WDR33: variants seen among roughly 807,000 people sequenced by gnomAD.
WDR33 encodes pre-mRNA 3' end processing protein WDR33.
A neutral mutation model predicts 164.9 loss-of-function variants in WDR33; 47 were observed. The ratio of observed to expected loss-of-function variants is 0.29; its 90% confidence interval spans 0.23 to 0.36. The LOEUF (loss-of-function observed/expected upper bound fraction) is 0.36. Ranked by LOEUF, WDR33 falls within the 10% of genes least tolerant of loss-of-function variation. The pLI, the probability that WDR33 is intolerant of heterozygous loss-of-function variation, is 1.00. For synonymous variants in WDR33, 505 were observed against 589.0 expected, an observed-to-expected ratio of 0.86 and a Z score of 2.06; for missense variants, 1,137 against 1,754.1, an observed-to-expected ratio of 0.65 and a Z score of 6.28.
At position 127,701,784 on chromosome 2, in the gene WDR33, C is replaced by A; in HGVS notation, c.*4539G>T. 7.0e-7 allele frequency: 1 copy of A among 1,437,416 alleles called. No individual in the cohort carries two copies. Among genetic ancestry groups the A allele is most frequent in the Non-Finnish European group, 9.1e-7 (1 of 1,096,298 alleles). The allele number at this position is 1,437,416 out of a possible 1,614,324, so 89.0% of individuals were successfully genotyped here. A position where few individuals can be genotyped will look rare whatever the true frequency, so the allele number is the denominator to read the frequency against. ...GGCGGCGGGCGGCGGGTGCCTGCTG[C>A]TGGCTGCACTGTGTTTCGGCCTAGC... On this transcript the variant is annotated 3_prime_UTR_variant, in exon 22 of 22. Transcript: ENST00000322313.
intron 1 of WDR33, among the ~76,000 whole-genome samples, chr2:127,797,321 G>A (rs775288032): frequency 2.0e-5 from 3 of 151,900 alleles, no homozygotes; most frequent in Admixed American, 1.3e-4. Flanking sequence ...GTGAAACCCC[G>A]TCTCTACTAA....
At chr2:127,773,102 C>G (rs1688063964) in intron 1 of WDR33, among the ~76,000 whole-genome samples, 1 of 152,118 alleles carries the variant, frequency 6.6e-6, no homozygotes, top group African/African-American at 2.4e-5. Context: ...CACCACTGCA[C>G]TCCAACCTGG....
At chr2:127,753,383 C>G (rs531941524) in intron 7 of WDR33, among the ~76,000 whole-genome samples, 140 of 152,328 alleles carry the variant, frequency 9.2e-4, no homozygotes, top group African/African-American at 3.3e-3. Flanking sequence ...ACTGTCATAA[C>G]AGTGGCTGAA....
rs972120791 is a variant in WDR33 at position 127,701,796 on chromosome 2, T to C, written c.*4527A>G. The C allele has an allele frequency of 2.8e-6, 4 of 1,452,762 alleles. No individual in the cohort carries two copies. In the African/African-American group the frequency reaches 4.4e-5, roughly 16 times the overall value. The allele number at this position is 1,452,762 out of a possible 1,614,324, so 90.0% of individuals were successfully genotyped here. On this transcript the variant is annotated 3_prime_UTR_variant, in exon 22 of 22. Coordinates refer to ENST00000322313, the MANE Select transcript of WDR33 (RefSeq NM_018383.5). ...CGGGTGCCTGCTGCTGGCTGCACTG[T>C]GTTTCGGCCTAGCCGCGCTCTACGC...
intron 7 of WDR33, among the ~76,000 whole-genome samples, chr2:127,750,459 C>A (rs142880108): frequency 6.6e-6 from 1 of 150,808 alleles, no homozygotes; most frequent in Non-Finnish European, 1.5e-5. Context: ...CCAGCCTGGG[C>A]AACATGGTGA....
intron 7 of WDR33, among the ~76,000 whole-genome samples, chr2:127,755,841 T>C (rs1687502580): frequency 6.6e-6 from 1 of 152,030 alleles, no homozygotes; most frequent in African/African-American, 2.4e-5. Context: ...TGACAAGGAG[T>C]TCCTAAAACC....
intron 18 of WDR33, among the ~76,000 whole-genome samples, chr2:127,711,790 T>TTTTTTTTTTTTTTA (rs70985474): frequency 9.1e-6 from 1 of 109,614 alleles, no homozygotes; most frequent in African/African-American, 4.2e-5. Flanking sequence ...ATTTTTTTTT[T>TTTTTTTTTTTTTTA]GAGACAGAGT....
chr2:127,750,897 T>G (rs1345582223), intron 7 of WDR33, among the ~76,000 whole-genome samples: 1 of 151,130 alleles, frequency 6.6e-6, no homozygotes, highest in Non-Finnish European at 1.5e-5. Context: ...TTTACAGTAA[T>G]TGATTTAATG....
intron 1 of WDR33, among the ~76,000 whole-genome samples, chr2:127,798,367 C>CAAAAAAA (rs61568967): frequency 1.0e-4 from 2 of 19,282 alleles, no homozygotes; most frequent in African/African-American, 4.1e-4. Flanking sequence ...GACACCGTCG[C>CAAAAAAA]AAAAAAAAAA....
Position 127,708,980 on chromosome 2 carries a change from G to T in WDR33, c.3566-88C>A, listed in dbSNP as rs1196128883. On this transcript the variant is annotated intron_variant, in intron 20 of 21. Transcript: ENST00000322313. The surrounding 1 kb of genome is among the most constrained non-coding windows in gnomAD (Gnocchi z 6.7). ...ACACTGTGAGAGTAAGGAGCAACTC[G>T]AGAGCCACCGTTCACTCATGCTGAA... is the stretch of plus-strand genomic sequence containing the variant. The T allele has an allele frequency of 1.2e-5, 16 of 1,346,466 alleles. No homozygotes were observed. Among genetic ancestry groups the T allele is most frequent in the Non-Finnish European group, 1.5e-5 (15 of 1,020,984 alleles). The allele number at this position is 1,346,466 out of a possible 1,614,324, so 83.4% of individuals were successfully genotyped here.
In WDR33 at chr2:127,735,921, A is replaced by T. The variant is rs536141521; in HGVS notation, c.725-9144T>A. ...GTCTAGAAAGTTACATCAGTGAAAA[A>T]CTATAGAATTAAATGGAAAGTTAAT... On this transcript the variant is annotated intron_variant, in intron 7 of 21. Coordinates refer to ENST00000322313, the MANE Select transcript of WDR33 (RefSeq NM_018383.5). The surrounding 1 kb of genome is among the most constrained non-coding windows in gnomAD (Gnocchi z 4.3). 5.1e-6 allele frequency: 5 copies of T among 985,458 alleles called. No homozygotes were observed. The East Asian group carries it at 4.5e-4, about 89-fold the overall frequency. The allele number at this position is 985,458 out of a possible 1,614,324, so 61.0% of individuals were successfully genotyped here.
intron 1 of WDR33, among the ~76,000 whole-genome samples, chr2:127,776,289 G>C (rs1425554463): frequency 1.3e-5 from 2 of 152,156 alleles, no homozygotes; most frequent in African/African-American, 4.8e-5. Flanking sequence ...CCTGATCTCA[G>C]ACTTTCAGCC....
intron 1 of WDR33, among the ~76,000 whole-genome samples, chr2:127,775,999 CTA>C (rs1367671317): frequency 6.6e-6 from 1 of 152,188 alleles, no homozygotes; most frequent in East Asian, 1.9e-4. Flanking sequence ...ATCCTGCAAA[CTA>C]TAAAGTTACT....
At chr2:127,761,436 G>A (rs761066469) in intron 7 of WDR33, among the ~76,000 whole-genome samples, 2 of 152,102 alleles carry the variant, frequency 1.3e-5, no homozygotes, top group African/African-American at 2.4e-5. Context: ...TCCTGACCTC[G>A]TGATCCGCCC....
intron 7 of WDR33, among the ~76,000 whole-genome samples, chr2:127,758,640 G>A (rs956292184): frequency 2.0e-5 from 3 of 152,062 alleles, no homozygotes; most frequent in African/African-American, 7.2e-5. Flanking sequence ...AATGGGGAGG[G>A]GTGAGGCTGT....
Position 127,720,943 on chromosome 2 carries a change from T to C in WDR33, c.1672-590A>G, listed in dbSNP as rs1380961829. 7.9e-5 allele frequency among the ~76,000 whole-genome samples: 12 copies of C among 152,128 alleles called. No individual in the cohort carries two copies. In the South Asian group the frequency reaches 2.5e-3, roughly 32 times the overall value. On this transcript the variant is annotated intron_variant, in intron 15 of 21. Transcript: ENST00000322313. The surrounding 1 kb of genome is among the most constrained non-coding windows in gnomAD (Gnocchi z 5.9). ...CATCATTCTTGGTAGCTAACATAGATAAGAAAAATAAGAACAAGCTACCTG... is the reference window on the plus strand; with the variant it reads ...CATCATTCTTGGTAGCTAACATAGACAAGAAAAATAAGAACAAGCTACCTG...
In WDR33 at chr2:127,722,486, G is replaced by A; in HGVS notation, c.1518+105C>T. ...AAGAGTACGTGAACATGGGAAAAAT[G>A]CTCCAGTACAGAAACACCTTCAACA... On this transcript the variant is annotated intron_variant, in intron 14 of 21. Coordinates refer to ENST00000322313, the MANE Select transcript of WDR33 (RefSeq NM_018383.5). This position sits in a 1 kb window ranked among gnomAD's most constrained non-coding sequence, Gnocchi z 5.1. 6.9e-7 allele frequency: 1 copy of A among 1,458,008 alleles called. No individual in the cohort carries two copies. Among genetic ancestry groups the A allele is most frequent in the South Asian group, 1.4e-5 (1 of 71,342 alleles). 90.3% of individuals were successfully genotyped at this position (1,458,008 alleles called of 1,614,324 possible). A position where few individuals can be genotyped will look rare whatever the true frequency, so the allele number is the denominator to read the frequency against.
At chr2:127,800,910 A>G (rs1383586079) in intron 1 of WDR33, among the ~76,000 whole-genome samples, 2 of 152,102 alleles carry the variant, frequency 1.3e-5, no homozygotes, top group Admixed American at 6.6e-5. Flanking sequence ...GAAACTTTTA[A>G]CAGTCTAACT....
rs1686402139 is a variant in WDR33 at position 127,720,185 on chromosome 2, T to C, written c.1840A>G (p.Met614Val). 1 of 1,613,034 alleles carries C rather than the reference T, an allele frequency of 6.2e-7. No homozygotes were observed. Among genetic ancestry groups the C allele is most frequent in the Non-Finnish European group, 8.5e-7 (1 of 1,179,624 alleles). ...GGACCTGGAGGCCCCATTTGAGCCATGTTCATTGGCATCTGCTGAGATGGA... is the reference window on the plus strand; with the variant it reads ...GGACCTGGAGGCCCCATTTGAGCCACGTTCATTGGCATCTGCTGAGATGGA... ...PHPSQQMPMNMAQMGPPGPQG... is the reference protein window; with the variant it reads ...PHPSQQMPMNVAQMGPPGPQG... The change falls in exon 16 of 22, where the codon ATG becomes GTG. Residue 614 changes from methionine (M) to valine (V), a missense_variant. By Grantham distance (21) the Met-to-Val change is conservative (BLOSUM62 1). This residue lies in a region of WDR33 where 867 missense variants were observed against 1,073.0 expected (regional missense o/e 0.81). Transcript: ENST00000322313. This position sits in a 1 kb window ranked among gnomAD's most constrained non-coding sequence, Gnocchi z 5.9.
Sources: allele counts gnomAD v4.1 joint callset (sites outside exome capture counted in the v4.1 genomes callset), GRCh38; gene constraint gnomAD v4.1.1; regional missense constraint gnomAD v4.1.1; non-coding constraint Gnocchi (gnomAD v3.1); transcripts MANE v1.5; gene names NCBI Gene and HGNC (gene_info 2026-07-23, HGNC 2026-07-21).